SCARA3: variants seen among roughly 807,000 people sequenced by gnomAD.
The protein encoded by SCARA3 is scavenger receptor class A member 3, also known as cellular stress response gene protein.
In SCARA3, 39 loss-of-function variants were observed where a neutral mutation model predicts 47.0. That is an observed-to-expected ratio of 0.83 (90% CI 0.64 to 1.08). The LOEUF is 1.08. Among genes scored for constraint, SCARA3 ranks in the 50% least tolerant of loss-of-function variants. The pLI is 0.00. For synonymous variants in SCARA3, 356 were observed against 334.1 expected, an observed-to-expected ratio of 1.07 and a Z score of -0.71; for missense variants, 724 against 792.3, an observed-to-expected ratio of 0.91 and a Z score of 1.04.
chr8:27,652,128 T>C (rs192040586), intron 3 of SCARA3, among the ~76,000 whole-genome samples: 2 of 152,314 alleles, frequency 1.3e-5, no homozygotes, highest in Admixed American at 6.5e-5. Context: ...CAGTATTTGT[T>C]AAAATGCAAA....
At chr8:27,724,489 C>T in the SCARA3 span, among the ~76,000 whole-genome samples, 29 of 152,148 alleles carry the variant, frequency 1.9e-4, no homozygotes, top group African/African-American at 6.7e-4. Flanking sequence ...TGAATTCTGT[C>T]GCTACTAAAA....
the SCARA3 span, among the ~76,000 whole-genome samples, chr8:27,717,306 G>T: frequency 1.3e-5 from 2 of 152,112 alleles, no homozygotes. Flanking sequence ...ATAGATGTGG[G>T]TATAGCTATA....
chr8:27,715,580 CTAGATAGATGATAGATAGATAGATAGA>C, the SCARA3 span, among the ~76,000 whole-genome samples: 13 of 150,734 alleles, frequency 8.6e-5, no homozygotes, highest in African/African-American at 2.2e-4. This position sits in a 1 kb window ranked among gnomAD's most constrained non-coding sequence, Gnocchi z 4.2. Flanking sequence ...CACTTCGCAC[CTAGATAGATGATAGATAGATAGATAGA>C]TAGATAGATA....
At chr8:27,649,572 A>C in intron 1 of SCARA3, 130 bp from the exon 2 acceptor site, 1 of 835,836 alleles carries the variant, frequency 1.2e-6, no homozygotes, top group Non-Finnish European at 2.0e-6. Context: ...AGCTTACATC[A>C]GGCCACCTGG....
At position 27,672,035 on chromosome 8, in the gene SCARA3, T is replaced by A; in HGVS notation, c.*684T>A. On this transcript the variant is annotated 3_prime_UTR_variant, in exon 6 of 6. Transcript: ENST00000301904. ...GGGGTTGAAAAGCCCCAAGGAAACC[T>A]TTGCGGGTGGGGCGTTACTGCCAAA... The A allele has an allele frequency of 1.0e-6, 1 of 985,288 alleles. No homozygotes were observed. Among genetic ancestry groups the A allele is most frequent in the African/African-American group, 1.7e-5 (1 of 57,304 alleles). The allele number at this position is 985,288 out of a possible 1,614,324, so 61.0% of individuals were successfully genotyped here.
At chr8:27,714,718 A>T in the SCARA3 span, among the ~76,000 whole-genome samples, 1 of 152,224 alleles carries the variant, frequency 6.6e-6, no homozygotes, top group South Asian at 2.1e-4. Context: ...CACAGGACCC[A>T]TTCTGTTTTC....
At chr8:27,660,293 G>GTA (rs1013092722) in intron 5 of SCARA3, among the ~76,000 whole-genome samples, 41 of 151,640 alleles carry the variant, frequency 2.7e-4, no homozygotes, top group Non-Finnish European at 3.5e-4. Context: ...AATCAATAGT[G>GTA]TATATATATA....
In SCARA3 at chr8:27,658,840, A is replaced by G. The variant is rs1181642126; in HGVS notation, c.670A>G (p.Asn224Asp). 6.2e-7 allele frequency: 1 copy of G among 1,614,186 alleles called. No individual in the cohort carries two copies. The highest frequency in any genetic ancestry group is 8.5e-7 in the Non-Finnish European group (1 of 1,180,040). ...YDVKAAVHQI[N>D]FTVGQTSEWI... is the part of the protein sequence containing the mutation. ...TGTCAAGGCTGCAGTGCACCAGATC[A>G]ACTTCACCGTGGGGCAGACTTCCGA... Residue 224 changes from asparagine to aspartate, a missense_variant, in exon 5 of 6, where the codon AAC becomes GAC. By Grantham distance (23) the Asn-to-Asp change is conservative. Transcript: ENST00000301904.
downstream of SCARA3, among the ~76,000 whole-genome samples, chr8:27,680,861 T>C (rs1489498090): frequency 3.9e-5 from 6 of 152,284 alleles, no homozygotes; most frequent in Non-Finnish European, 5.9e-5. Context: ...TCAATCAATA[T>C]AGTTTGTCAT....
At chr8:27,661,325 TCTC>T (rs1361805741) in intron 5 of SCARA3, among the ~76,000 whole-genome samples, 1 of 152,126 alleles carries the variant, frequency 6.6e-6, no homozygotes, top group Non-Finnish European at 1.5e-5. Flanking sequence ...GTGATGCAAC[TCTC>T]CTGAGTACAA....
At chr8:27,720,814 G>A in the SCARA3 span, among the ~76,000 whole-genome samples, 28 of 146,894 alleles carry the variant, frequency 1.9e-4, no homozygotes, top group South Asian at 6.5e-4. Flanking sequence ...CTATCCATTC[G>A]TCCAGCCTTC....
chr8:27,635,169 T>C (rs1801223820), intron 1 of SCARA3, among the ~76,000 whole-genome samples: 1 of 151,964 alleles, frequency 6.6e-6, no homozygotes, highest in South Asian at 2.1e-4. Flanking sequence ...CACTGACAGG[T>C]ATGGAGGTGG....
the SCARA3 span, among the ~76,000 whole-genome samples, chr8:27,704,715 T>TG: frequency 0.26 from 39,166 of 151,722 alleles, 6,330 homozygotes; most frequent in Non-Finnish European, 0.36. Context: ...GCGTCTGCAA[T>TG]GGGGGTTGTT....
chr8:27,666,315 C>G (rs1469703375), intron 5 of SCARA3, among the ~76,000 whole-genome samples: 1 of 152,230 alleles, frequency 6.6e-6, no homozygotes, highest in Non-Finnish European at 1.5e-5. Flanking sequence ...AGGCTGACTT[C>G]AATGAGTCTT....
intron 2 of SCARA3, among the ~76,000 whole-genome samples, chr8:27,651,248 A>T (rs961172962): frequency 7.9e-5 from 12 of 152,238 alleles, no homozygotes; most frequent in African/African-American, 2.7e-4. Context: ...CATGGGCCGA[A>T]TGAAGACACC....
In SCARA3 at chr8:27,671,664, A is replaced by G. The variant is rs1485916843; in HGVS notation, c.*313A>G. 5 of 1,105,292 alleles carry G rather than the reference A, an allele frequency of 4.5e-6. No individual in the cohort carries two copies. Among genetic ancestry groups the G allele is most frequent in the East Asian group, 4.4e-5 (1 of 22,492 alleles). The allele number at this position is 1,105,292 out of a possible 1,614,324, so 68.5% of individuals were successfully genotyped here. A position where few individuals can be genotyped will look rare whatever the true frequency, so the allele number is the denominator to read the frequency against. The stretch of plus-strand genomic sequence containing the variant: ...CATGCACACACACATGCACGCACAC[A>G]CACATGCACACATACACGTGCACAC... On this transcript the variant is annotated 3_prime_UTR_variant, in exon 6 of 6. Transcript: ENST00000301904.
At chr8:27,674,815 G>A (rs1314966687), downstream of SCARA3, among the ~76,000 whole-genome samples, 6 of 136,680 alleles carry the variant, frequency 4.4e-5, no homozygotes, top group South Asian at 2.5e-4. Flanking sequence ...TGCAACCTCC[G>A]CCTCCTGGGT....
chr8:27,701,855 G>T, the SCARA3 span: 2 of 154,138 alleles, frequency 1.3e-5, no homozygotes, highest in African/African-American at 4.8e-5. Context: ...CAAACCAAAG[G>T]GTTTCCTGGG....
At chr8:27,712,420 G>A in the SCARA3 span, among the ~76,000 whole-genome samples, 2 of 151,350 alleles carry the variant, frequency 1.3e-5, no homozygotes, top group African/African-American at 2.4e-5. Flanking sequence ...AAAATTAGCC[G>A]GGCGTAGTGG....
Sources: gnomAD v4.1 joint callset for allele counts (sites outside exome capture counted in the v4.1 genomes callset) on GRCh38, gnomAD v4.1.1 for gene constraint, Gnocchi (gnomAD v3.1) non-coding constraint, MANE v1.5 for transcripts, NCBI Gene and HGNC (gene_info 2026-07-23, HGNC 2026-07-21) for gene names.